Variants in CEACAM4 observed in about 807,000 individuals in gnomAD.
CEACAM4 encodes CEA cell adhesion molecule 4, also known as cell adhesion molecule CEACAM4.
A neutral mutation model predicts 28.7 loss-of-function variants in CEACAM4; 30 were observed. That is an observed-to-expected ratio of 1.05 (90% CI 0.78 to 1.42). CEACAM4 has a LOEUF of 1.42. Among genes scored for constraint, CEACAM4 ranks in the 40% most tolerant of loss-of-function variants. The pLI is 0.00. For missense variants in CEACAM4, 330 were observed against 308.2 expected, an observed-to-expected ratio of 1.07 and a Z score of -0.53; for synonymous variants, 143 against 126.5, an observed-to-expected ratio of 1.13 and a Z score of -0.87.
rs1555799939 is a variant in CEACAM4 at position 41,619,278 on chromosome 19, T to C, written c.*52A>G. The C allele has an allele frequency of 4.1e-6, 6 of 1,464,982 alleles. No individual in the cohort carries two copies. The East Asian group carries it at 1.4e-4, about 33-fold the overall frequency. The allele number at this position is 1,464,982 out of a possible 1,614,324, so 90.7% of individuals were successfully genotyped here. Reference sequence around the variant, plus strand: ...CCATGTCCTTCCCCGTCCCCAGGGCTGGGAGCTTCGGGGACGCTCCATCAA... The same window carrying C: ...CCATGTCCTTCCCCGTCCCCAGGGCCGGGAGCTTCGGGGACGCTCCATCAA... On this transcript the variant is annotated 3_prime_UTR_variant, in exon 7 of 7. Coordinates refer to ENST00000221954, the MANE Select transcript of CEACAM4 (RefSeq NM_001817.4).
chr19:41,626,741 A>G (rs1406972578), intron 1 of CEACAM4, among the ~76,000 whole-genome samples, 159 bp downstream of exon 1: 9 of 151,772 alleles, frequency 5.9e-5, no homozygotes, highest in African/African-American at 2.2e-4. Context: ...CCCCTCTCTG[A>G]TGTTCTCTCC....
Position 41,627,048 on chromosome 19 carries a change from C to G in CEACAM4, c.-85G>C. On this transcript the variant is annotated 5_prime_UTR_variant, in exon 1 of 7. Coordinates refer to ENST00000221954, the MANE Select transcript of CEACAM4 (RefSeq NM_001817.4). The stretch of plus-strand genomic sequence containing the variant: ...CAGAGCTGCTGTGACTGTCGGCTGT[C>G]GGGGCTGCTGACCTTCCTCCTTCTG... 2 of 1,243,542 alleles carry G rather than the reference C, an allele frequency of 1.6e-6. No individual in the cohort carries two copies. The highest frequency in any genetic ancestry group is 2.9e-5 in the South Asian group (2 of 69,176). 77.0% of individuals were successfully genotyped at this position (1,243,542 alleles called of 1,614,324 possible). A position where few individuals can be genotyped will look rare whatever the true frequency, so the allele number is the denominator to read the frequency against.
At chr19:41,626,040 G>T in intron 1 of CEACAM4, 80 bp from the exon 2 acceptor site, 4 of 1,324,048 alleles carry the variant, frequency 3.0e-6, no homozygotes, top group Non-Finnish European at 2.1e-6. Context: ...TCCTCAGCAG[G>T]TCTCCTCATC....
chr19:41,621,737 G>C lies in CEACAM4; in HGVS notation c.456C>G (p.Ala152=). 1.2e-6 allele frequency: 2 copies of C among 1,612,292 alleles called. No homozygotes were observed. Among genetic ancestry groups the C allele is most frequent in the Non-Finnish European group, 1.7e-6 (2 of 1,178,460 alleles). Residue 152 remains alanine, a synonymous_variant, in exon 3 of 7, where the codon GCC becomes GCG. Coordinates refer to ENST00000221954, the MANE Select transcript of CEACAM4 (RefSeq NM_001817.4). Reference sequence around the variant, plus strand: ...GGACCCCAGTCACGATGCCAGCGACGGCCCCCACAGGAAGGCCTGGGACGT... The same window carrying C: ...GGACCCCAGTCACGATGCCAGCGACCGCCCCCACAGGAAGGCCTGGGACGT... ...QNNVPGLPVG[A]VAGIVTGVLV... is the part of the protein sequence containing the mutation.
chr19:41,616,377 A>G (rs2070982185), downstream of CEACAM4, among the ~76,000 whole-genome samples: 1 of 152,098 alleles, frequency 6.6e-6, no homozygotes, highest in South Asian at 2.1e-4. Flanking sequence ...GTGTCACTAC[A>G]CACTTGTTCT....
At chr19:41,621,552 GATGCGGA>G (rs1199545436) in intron 3 of CEACAM4, 92 bp downstream of exon 3, 1 of 646,834 alleles carries the variant, frequency 1.5e-6, no homozygotes, top group African/African-American at 1.8e-5. Flanking sequence ...TCCTTGGGAG[GATGCGGA>G]AAGCCTGGCC....
intron 6 of CEACAM4, 49 bp downstream of exon 6, chr19:41,619,621 T>C (rs782312479): frequency 8.3e-6 from 13 of 1,573,388 alleles, no homozygotes; most frequent in Non-Finnish European, 1.0e-5. Context: ...GGGCAGATCC[T>C]GGGTCCCCTG....
At position 41,626,063 on chromosome 19, in the gene CEACAM4, A is replaced by AGTGT. The variant is rs61710351; in HGVS notation, c.65-107_65-104dup. 3.7e-3 allele frequency: 2,392 copies of AGTGT among 652,418 alleles called. 20 individuals are homozygous for AGTGT. The highest frequency in any genetic ancestry group is 9.1e-3 in the African/African-American group (376 of 41,410). 40.4% of individuals were successfully genotyped at this position (652,418 alleles called of 1,614,324 possible). On this transcript the variant is annotated intron_variant, in intron 1 of 6. Coordinates refer to ENST00000221954, the MANE Select transcript of CEACAM4 (RefSeq NM_001817.4). ...AGGTCTCCTCATCCCTCAGCCTTGG[A>AGTGT]GTGTGTGTGTGTGTGTGTGTGTGTG...
downstream of CEACAM4, among the ~76,000 whole-genome samples, chr19:41,617,733 G>A (rs1463202859): frequency 6.6e-6 from 1 of 152,166 alleles, no homozygotes; most frequent in Admixed American, 6.5e-5. Flanking sequence ...AGGCCTCTAG[G>A]AGGTGGAAAA....
At chr19:41,622,333 C>T (rs1396092126) in intron 2 of CEACAM4, among the ~76,000 whole-genome samples, 1 of 152,216 alleles carries the variant, frequency 6.6e-6, no homozygotes, top group Non-Finnish European at 1.5e-5. Context: ...CCGCCTCGGC[C>T]TCCCAAAGTG....
downstream of CEACAM4, among the ~76,000 whole-genome samples, chr19:41,618,604 G>A (rs1428490588): frequency 2.0e-5 from 3 of 152,140 alleles, no homozygotes; most frequent in South Asian, 6.2e-4. Context: ...GGGCAGCAGG[G>A]GTCAGGACAC....
downstream of CEACAM4, among the ~76,000 whole-genome samples, chr19:41,614,876 G>C (rs1331590733): frequency 2.0e-5 from 3 of 146,542 alleles, no homozygotes; most frequent in African/African-American, 7.4e-5. Flanking sequence ...TAGGTGGATG[G>C]GTATGTTTGG....
chr19:41,621,668 A>C lies in CEACAM4; in HGVS notation c.525T>G (p.Leu175=), dbSNP rs2071299085. The change falls in exon 3 of 7, where the codon CTT becomes CTG. Residue 175 remains leucine, a synonymous_variant. Coordinates refer to ENST00000221954, the MANE Select transcript of CEACAM4 (RefSeq NM_001817.4). ...TGCGGTACCTTCCAGTCCTGGAGAG[A>C]AGCAGAAAACACACCAGGGCGGCCA... ...ALVAALVCFL[L]LSRTGRASIQ... 6.2e-7 allele frequency: 1 copy of C among 1,602,142 alleles called. No individual in the cohort carries two copies. The highest frequency in any genetic ancestry group is 1.3e-5 in the African/African-American group (1 of 74,718).
rs1555801617 is a variant in CEACAM4 at position 41,621,694 on chromosome 19, C to T, written c.499G>A (p.Val167Met). Residue 167 changes from valine (V) to methionine (M), a missense_variant, in exon 3 of 7, where the codon GTG (valine) becomes ATG (methionine). Physicochemically the swap from Val to Met is conservative, Grantham distance 21. Transcript: ENST00000221954. ...AGCAGAAAACACACCAGGGCGGCCA[C>T]CAGAGCCACCCCAACCAGGACCCCA... is the stretch of plus-strand genomic sequence containing the variant. The part of the protein sequence containing the change: ...VTGVLVGVAL[V>M]AALVCFLLLS... 5 of 1,612,364 alleles carry T rather than the reference C, an allele frequency of 3.1e-6. No individual in the cohort carries two copies. The highest frequency in any genetic ancestry group is 1.3e-5 in the African/African-American group (1 of 75,004).
At chr19:41,617,527 G>A (rs1204192192), downstream of CEACAM4, among the ~76,000 whole-genome samples, 1 of 152,206 alleles carries the variant, frequency 6.6e-6, no homozygotes, top group Non-Finnish European at 1.5e-5. Flanking sequence ...ATTAAAGGAA[G>A]GATCATGAGA....
chr19:41,620,985 A>AATGGGGGAG (rs371589561), intron 3 of CEACAM4, among the ~76,000 whole-genome samples: 365 of 151,922 alleles, frequency 2.4e-3, no homozygotes, highest in African/African-American at 8.2e-3. Context: ...TGTGCAGGAC[A>AATGGGGGAG]CTGGGGGAGC....
chr19:41,621,559 A>G (rs1238601936), intron 3 of CEACAM4, 92 bp downstream of exon 3: 4 of 669,050 alleles, frequency 6.0e-6, no homozygotes, highest in Non-Finnish European at 1.1e-5. Context: ...GAGGATGCGG[A>G]AAGCCTGGCC....
chr19:41,626,914 C>T lies in CEACAM4; in HGVS notation c.50G>A (p.Gly17Glu), dbSNP rs1555804449. 1 of 1,610,392 alleles carries T rather than the reference C, an allele frequency of 6.2e-7. No homozygotes were observed. Among genetic ancestry groups the T allele is most frequent in the Admixed American group, 1.7e-5 (1 of 59,736 alleles). ...APRGGHRPWQ[G>E]LLITASLLTF... Reference sequence around the variant, plus strand: ...CCTCCCCTCACCTGTGATCAGGAGCCCCTGCCAGGGCCTGTGCCCTCCACG... The same window carrying T: ...CCTCCCCTCACCTGTGATCAGGAGCTCCTGCCAGGGCCTGTGCCCTCCACG... The change falls in exon 1 of 7, where the codon GGG (glycine) becomes GAG (glutamate). Residue 17 changes from glycine (G) to glutamate (E), a missense_variant. Gly to Glu is a moderately conservative substitution (Grantham distance 98, BLOSUM62 -2). Transcript: ENST00000221954.
In CEACAM4 at chr19:41,621,740, C is replaced by G; in HGVS notation, c.453G>C (p.Gly151=). 6.2e-7 allele frequency: 1 copy of G among 1,612,480 alleles called. No individual in the cohort carries two copies. ...HQNNVPGLPV[G]AVAGIVTGVL... The stretch of plus-strand genomic sequence containing the variant: ...CCCCAGTCACGATGCCAGCGACGGC[C>G]CCCACAGGAAGGCCTGGGACGTTGT... Residue 151 remains glycine (G), a synonymous_variant, in exon 3 of 7, where the codon GGG becomes GGC. Coordinates refer to ENST00000221954, the MANE Select transcript of CEACAM4 (RefSeq NM_001817.4).
Sources: allele counts gnomAD v4.1 joint callset (sites outside exome capture counted in the v4.1 genomes callset), GRCh38; gene constraint gnomAD v4.1.1; transcripts MANE v1.5; gene names NCBI Gene and HGNC (gene_info 2026-07-23, HGNC 2026-07-21).